The following PLEC variants were observed in gnomAD, a reference collection of about 807,000 sequenced individuals.
PLEC encodes the protein hemidesmosomal protein 1.
A neutral mutation model predicts 392.8 loss-of-function variants in PLEC; 216 were observed. The ratio of observed to expected loss-of-function variants is 0.55; its 90% CI spans 0.49 to 0.62. PLEC has a LOEUF of 0.62. PLEC is among the 20% of genes least tolerant of loss of function. PLEC has a pLI of 0.00. For synonymous variants in PLEC, 3,621 were observed against 2,980.6 expected (o/e 1.21, Z -7.00); for missense variants, 6,863 against 6,563.4 (o/e 1.05, Z -1.58).
Position 143,938,249 on chromosome 8 carries a change from A to G in PLEC, c.175-9T>C. The G allele has an allele frequency of 6.3e-7, 1 of 1,588,632 alleles. No individual in the cohort carries two copies. ...CTGATGTGCCTCTGGGCCTGTGGGG[A>G]CAGCAGCGGCTGAGGTGGCCAGTCC... On this transcript the variant is annotated splice_polypyrimidine_tract_variant and intron_variant, in intron 2 of 31. Transcript: ENST00000345136.
chr8:143,924,435 CCGCCTCGGCCCGCTG>C lies in PLEC; in HGVS notation c.5479_5493del (p.Gln1827_Ala1831del). The C allele has an allele frequency of 6.4e-7, 1 of 1,573,530 alleles. No individual in the cohort carries two copies. The highest frequency in any genetic ancestry group is 8.6e-7 in the Non-Finnish European group (1 of 1,168,430). On this transcript the variant is annotated inframe_deletion, in exon 31 of 32. Coordinates refer to ENST00000345136, the MANE Select transcript of PLEC (RefSeq NM_201384.3). ...GCCAGCTTCTCCGCAAGCACCCGCT[CCGCCTCGGCCCGCTG>C]CCGCGCCGCGTCTTCCTCGGCCAGC...
rs781890928 is a variant in PLEC at position 143,925,780 on chromosome 8, C to G, written c.4149G>C (p.Lys1383Asn). 1 of 1,587,898 alleles carries G rather than the reference C, an allele frequency of 6.3e-7. No homozygotes were observed. Among genetic ancestry groups the G allele is most frequent in the South Asian group, 1.1e-5 (1 of 89,568 alleles). The change falls in exon 31 of 32, where the codon AAG becomes AAC. Residue 1383 changes from lysine (K) to asparagine (N), a missense_variant. Lys to Asn is a moderately conservative substitution (Grantham distance 94, BLOSUM62 0). Transcript: ENST00000345136. ...CCTTCGCCTCCCGCTCCGCCTGTGC[C>G]TTTGCCTGGGCGTGCGCCTCGGCCA... is the stretch of plus-strand genomic sequence containing the variant. ...RQLAEAHAQA[K>N]AQAEREAKEL... is the part of the protein sequence containing the mutation.
chr8:143,923,016 G>A lies in PLEC; in HGVS notation c.6913C>T (p.Arg2305Trp), dbSNP rs781995144. Reference protein sequence around the residue: ...QLAEEDLAQQRALAEKMLKEK... With the variant: ...QLAEEDLAQQWALAEKMLKEK... The stretch of plus-strand genomic sequence containing the variant: ...TTGAGCATCTTCTCTGCCAAGGCCC[G>A]CTGCTGTGCCAGGTCCTCCTCTGCC... Residue 2305 changes from arginine to tryptophan, a missense_variant, in exon 31 of 32, where the codon CGG (arginine) becomes TGG (tryptophan). Transcript: ENST00000345136. 11 of 1,611,662 alleles carry A rather than the reference G, an allele frequency of 6.8e-6. No individual in the cohort carries two copies. The highest frequency in any genetic ancestry group is 6.7e-5 in the East Asian group (3 of 44,830).
At chr8:143,948,315 G>A (rs1308785391) in intron 1 of PLEC, among the ~76,000 whole-genome samples, 3 of 152,252 alleles carry the variant, frequency 2.0e-5, no homozygotes, top group Admixed American at 1.3e-4. Context: ...CCCACGGAGC[G>A]GCTGTGCAGT....
chr8:143,952,671 A>G (rs989226304), upstream of PLEC, among the ~76,000 whole-genome samples: 3 of 150,962 alleles, frequency 2.0e-5, no homozygotes, highest in African/African-American at 7.3e-5. Context: ...AACCCACGAT[A>G]CCCACACTGT....
At chr8:143,954,648 T>A (rs949908574), upstream of PLEC, among the ~76,000 whole-genome samples, 2 of 152,102 alleles carry the variant, frequency 1.3e-5, no homozygotes, top group Non-Finnish European at 2.9e-5. The surrounding 1 kb of genome is among the most constrained non-coding windows in gnomAD (Gnocchi z 4.6). Flanking sequence ...GGAGTAGCTG[T>A]GTGTCACTGC....
rs1820254534 is a variant in PLEC at position 143,915,365 on chromosome 8, G to T, written c.*812C>A. ...CAACAGGAGGGTCAGCACAGAGCCT[G>T]GCTGGTGTCCCTGGGCCCAAAGGGG... On this transcript the variant is annotated 3_prime_UTR_variant, in exon 32 of 32. Transcript: ENST00000345136. 3 of 152,510 alleles carry T rather than the reference G, an allele frequency of 2.0e-5. No homozygotes were observed. Among genetic ancestry groups the T allele is most frequent in the African/African-American group, 4.8e-5 (2 of 41,458 alleles). 9.4% of individuals were successfully genotyped at this position (152,510 alleles called of 1,614,324 possible).
rs1554683120 is a variant in PLEC, at chr8:143,920,821, C to T, written c.9000G>A (p.Leu3000=). 9 of 1,608,482 alleles carry T rather than the reference C, an allele frequency of 5.6e-6. No homozygotes were observed. The highest frequency in any genetic ancestry group is 1.3e-5 in the African/African-American group (1 of 74,946). The change falls in exon 32 of 32, where the codon CTG becomes CTA. Residue 3000 remains leucine (L), a synonymous_variant. Transcript: ENST00000345136. ...RVIDRELYQQ[L]QRGERSVRDV... is the part of the protein sequence containing the mutation. ...CTCGCACAGAGCGCTCACCTCGCTG[C>T]AGCTGCTGGTAGAGCTCGCGGTCGA...
chr8:143,931,750 G>A, intron 18 of PLEC, 91 bp from the exon 19 acceptor site: 2 of 1,545,094 alleles, frequency 1.3e-6, no homozygotes, highest in East Asian at 2.4e-5. Flanking sequence ...CGGGGGCACT[G>A]AGGAAGGAGT....
In PLEC at chr8:143,930,586, C is replaced by T. The variant is rs370948643; in HGVS notation, c.2305-50G>A. The T allele has an allele frequency of 5.0e-5, 78 of 1,547,616 alleles. No individual in the cohort carries two copies. The African/African-American group carries it at 9.4e-4, about 19-fold the overall frequency. On this transcript the variant is annotated intron_variant, in intron 19 of 31. Transcript: ENST00000345136. ...ACGAGGGCCATGGAGACCCACAGGC[C>T]TGCCCCAGGCACCCCCAGACCCCGG...
Position 143,919,337 on chromosome 8 carries a change from C to A in PLEC, c.10484G>T (p.Ser3495Ile), listed in dbSNP as rs1554677925. Residue 3495 changes from serine (S) to isoleucine (I), a missense_variant, in exon 32 of 32, where the codon AGT (serine) becomes ATT (isoleucine). Physicochemically the swap from Ser to Ile is moderately radical, Grantham distance 142 (BLOSUM62 -2). Transcript: ENST00000345136. ...CGCCAGGACGCGGTTCATCTCCTCA[C>A]TGAAGTAGCCGCGCTGGTAGGCCAC... ...VDVAYQRGYFSEEMNRVLADP... is the reference protein window; with the variant it reads ...VDVAYQRGYFIEEMNRVLADP... 6.2e-6 allele frequency: 10 copies of A among 1,613,962 alleles called. No individual in the cohort carries two copies. Among genetic ancestry groups the A allele is most frequent in the Non-Finnish European group, 7.6e-6 (9 of 1,180,026 alleles).
Position 143,920,806 on chromosome 8 carries a change from G to C in PLEC, c.9015C>G (p.Arg3005=). The C allele has an allele frequency of 6.2e-7, 1 of 1,608,064 alleles. No individual in the cohort carries two copies. ...CCACCTCGGCTACGTCTCGCACAGA[G>C]CGCTCACCTCGCTGCAGCTGCTGGT... ...ELYQQLQRGE[R]SVRDVAEVDT... is the part of the protein sequence containing the mutation. The change falls in exon 32 of 32, where the codon CGC becomes CGG. Residue 3005 remains arginine (R), a synonymous_variant. Transcript: ENST00000345136.
chr8:143,944,512 G>GT, upstream of PLEC: 1 of 496,484 alleles, frequency 2.0e-6, no homozygotes, highest in Non-Finnish European at 3.5e-6. Context: ...GGGGGTCTGG[G>GT]TGAGGGCACA....
chr8:143,938,712 C>T lies in PLEC; in HGVS notation c.113-20G>A, dbSNP rs781992619. 6.2e-7 allele frequency: 1 copy of T among 1,612,770 alleles called. No homozygotes were observed. Among genetic ancestry groups the T allele is most frequent in the Non-Finnish European group, 8.5e-7 (1 of 1,179,260 alleles). ...GCTCATCTGGGGGAGACAAGACCAG[C>T]TTACCTGGGGCCTGGGAGAAGCCCC... On this transcript the variant is annotated intron_variant, in intron 1 of 31. Transcript: ENST00000345136.
In PLEC at chr8:143,923,990, T is replaced by G. The variant is rs1554695121; in HGVS notation, c.5939A>C (p.Glu1980Ala). 13 of 1,585,140 alleles carry G rather than the reference T, an allele frequency of 8.2e-6. No homozygotes were observed. Among genetic ancestry groups the G allele is most frequent in the Non-Finnish European group, 1.1e-5 (13 of 1,171,558 alleles). Residue 1980 changes from glutamate to alanine, a missense_variant, in exon 31 of 32, where the codon GAG becomes GCG. Glu to Ala is a moderately radical substitution (Grantham distance 107). Coordinates refer to ENST00000345136, the MANE Select transcript of PLEC (RefSeq NM_201384.3). Reference protein sequence around the residue: ...ARQRQLAAEEERRRREAEERV... With the variant: ...ARQRQLAAEEARRRREAEERV... ...CTCCTCAGCCTCACGGCGCCGCCGCTCCTCCTCCGCCGCCAGCTGCCGCTG... is the reference window on the plus strand; with the variant it reads ...CTCCTCAGCCTCACGGCGCCGCCGCGCCTCCTCCGCCGCCAGCTGCCGCTG...
Position 143,919,604 on chromosome 8 carries a change from C to G in PLEC, c.10217G>C (p.Arg3406Pro), listed in dbSNP as rs782495077. 6.3e-7 allele frequency: 1 copy of G among 1,590,262 alleles called. No homozygotes were observed. Among genetic ancestry groups the G allele is most frequent in the African/African-American group, 1.3e-5 (1 of 74,432 alleles). Residue 3406 changes from arginine to proline, a missense_variant, in exon 32 of 32, where the codon CGC (arginine) becomes CCC (proline). Transcript: ENST00000345136. ...CTTCACGGCCTCGTGGACATACAGG[C>G]GCTGGTTCCGCACGGGGTCCACCAG... ...GFLVDPVRNQ[R>P]LYVHEAVKAG...
In PLEC at chr8:143,928,039, T is replaced by C. The variant is rs567419199; in HGVS notation, c.3261-47A>G. The C allele has an allele frequency of 6.4e-6, 10 of 1,553,392 alleles. No individual in the cohort carries two copies. In the East Asian group the frequency reaches 1.8e-4, roughly 28 times the overall value. On this transcript the variant is annotated intron_variant, in intron 25 of 31. Transcript: ENST00000345136. ...GGGCCATGACATGGGGCTCGAGCAA[T>C]AGCCCAAGGGAATGGAACCCAAGCC...
Position 143,938,243 on chromosome 8 carries a change from G to C in PLEC, c.175-3C>G, listed in dbSNP as rs113518239. 3.1e-6 allele frequency: 5 copies of C among 1,595,588 alleles called. No homozygotes were observed. Among genetic ancestry groups the C allele is most frequent in the Non-Finnish European group, 4.3e-6 (5 of 1,172,836 alleles). On this transcript the variant is annotated splice_region_variant and splice_polypyrimidine_tract_variant and intron_variant, in intron 2 of 31. Transcript: ENST00000345136. ...AGGTCACTGATGTGCCTCTGGGCCTGTGGGGACAGCAGCGGCTGAGGTGGC... is the reference window on the plus strand; with the variant it reads ...AGGTCACTGATGTGCCTCTGGGCCTCTGGGGACAGCAGCGGCTGAGGTGGC...
At chr8:143,945,012 G>A (rs1486617478) in intron 1 of PLEC, among the ~76,000 whole-genome samples, 1 of 152,166 alleles carries the variant, frequency 6.6e-6, no homozygotes, top group Non-Finnish European at 1.5e-5. Context: ...AGAGCAGGGC[G>A]CGGGAGGTGC....
Sources: allele counts gnomAD v4.1 joint callset (sites outside exome capture counted in the v4.1 genomes callset), GRCh38; gene constraint gnomAD v4.1.1; non-coding constraint Gnocchi (gnomAD v3.1); transcripts MANE v1.5; gene names NCBI Gene and HGNC (gene_info 2026-07-23, HGNC 2026-07-21).